PTPRE: variants seen among roughly 807,000 people sequenced by gnomAD.
PTPRE encodes receptor-type tyrosine-protein phosphatase epsilon.
In PTPRE, 51 loss-of-function variants were observed where a neutral mutation model predicts 102.0. The ratio of observed to expected loss-of-function variants is 0.50; its 90% CI spans 0.40 to 0.63. The LOEUF (loss-of-function observed/expected upper bound fraction) is 0.63. Among genes scored for constraint, PTPRE ranks in the 30% least tolerant of loss-of-function variants. The pLI is 0.00. For synonymous variants in PTPRE, 345 were observed against 348.2 expected, an observed-to-expected ratio of 0.99 and a Z score of 0.10; for missense variants, 752 against 915.1, an observed-to-expected ratio of 0.82 and a Z score of 2.30.
intron 7 of PTPRE, 22 bp from the exon 8 acceptor site, chr10:128,060,917 T>G: frequency 1.2e-6 from 2 of 1,611,552 alleles, no homozygotes; most frequent in Non-Finnish European, 1.7e-6. Context: ...ATATCTTGGC[T>G]TTGTTTGGGT....
intron 2 of PTPRE, among the ~76,000 whole-genome samples, chr10:128,011,310 A>G (rs1436581566): frequency 6.6e-6 from 1 of 152,230 alleles, no homozygotes; most frequent in Non-Finnish European, 1.5e-5. Context: ...TAACACGGCG[A>G]GTGAATGGAG....
intron 2 of PTPRE, among the ~76,000 whole-genome samples, chr10:128,009,105 T>C (rs992556775): frequency 1.3e-5 from 2 of 152,202 alleles, no homozygotes; most frequent in Non-Finnish European, 2.9e-5. Context: ...CCTTTTCTCC[T>C]GGCAGCTGGG....
At chr10:127,910,195 T>G (rs1311944380) in intron 1 of PTPRE, among the ~76,000 whole-genome samples, 1 of 152,152 alleles carries the variant, frequency 6.6e-6, no homozygotes, top group Non-Finnish European at 1.5e-5. Context: ...ACATCTCTAG[T>G]TTTTCTTTTG....
intron 1 of PTPRE, among the ~76,000 whole-genome samples, chr10:127,979,121 C>T (rs955461175): frequency 6.6e-6 from 1 of 152,196 alleles, no homozygotes; most frequent in Non-Finnish European, 1.5e-5. Flanking sequence ...ATAAGCAGTG[C>T]CCAGGGCACT....
In PTPRE at chr10:127,992,320, G is replaced by A. The variant is rs781203863; in HGVS notation, c.-8+10024G>A. Among the ~76,000 whole-genome samples, 63 of 152,262 alleles carry A rather than the reference G, an allele frequency of 4.1e-4. 1 individual carries two copies. The highest frequency in any genetic ancestry group is 2.3e-3 in the Admixed American group (35 of 15,296). Reference sequence around the variant, plus strand: ...GGTCACCCCTCTTCTAAGGACATCCGTCTCCCTAGCTGCTCAGTGGAGTCA... The same window carrying A: ...GGTCACCCCTCTTCTAAGGACATCCATCTCCCTAGCTGCTCAGTGGAGTCA... On this transcript the variant is annotated intron_variant, in intron 2 of 20. Transcript: ENST00000254667.
chr10:128,065,183 C>T (rs915409599), intron 10 of PTPRE, among the ~76,000 whole-genome samples: 13 of 152,226 alleles, frequency 8.5e-5, no homozygotes, highest in African/African-American at 3.1e-4. Flanking sequence ...AATGATGCTG[C>T]TCTCTACTAA....
intron 7 of PTPRE, among the ~76,000 whole-genome samples, chr10:128,059,880 A>T (rs1849368446): frequency 6.6e-6 from 1 of 152,150 alleles, no homozygotes; most frequent in Admixed American, 6.5e-5. Flanking sequence ...GGCAGAAGTG[A>T]CTACAACCCA....
chr10:127,942,382 C>T (rs990605690), intron 1 of PTPRE, among the ~76,000 whole-genome samples: 4 of 152,284 alleles, frequency 2.6e-5, no homozygotes, highest in South Asian at 4.1e-4. Flanking sequence ...ACGACATCCT[C>T]GATTTATAAA....
At chr10:127,932,250 G>A (rs370437448) in intron 1 of PTPRE, among the ~76,000 whole-genome samples, 128 of 152,260 alleles carry the variant, frequency 8.4e-4, no homozygotes, top group African/African-American at 2.6e-3. Context: ...TTAACATGCC[G>A]CGTTGAAGAA....
intron 2 of PTPRE, among the ~76,000 whole-genome samples, chr10:128,006,941 A>G (rs959422723): frequency 1.3e-5 from 2 of 152,214 alleles, no homozygotes; most frequent in African/African-American, 4.8e-5. Flanking sequence ...GATACAGCTC[A>G]AGTACAACTC....
chr10:128,018,510 C>T (rs939103597), intron 2 of PTPRE, among the ~76,000 whole-genome samples: 6 of 152,208 alleles, frequency 3.9e-5, no homozygotes, highest in East Asian at 1.9e-4. Context: ...GAGGCTTTGA[C>T]GATGCAGATG....
At chr10:127,926,860 G>A (rs1589750473) in intron 1 of PTPRE, among the ~76,000 whole-genome samples, 1 of 141,488 alleles carries the variant, frequency 7.1e-6, no homozygotes, top group East Asian at 2.1e-4. Context: ...CACCCAGGCT[G>A]GAGTGCAGTG....
At chr10:128,030,917 C>T (rs1287807700) in intron 2 of PTPRE, among the ~76,000 whole-genome samples, 1 of 152,208 alleles carries the variant, frequency 6.6e-6, no homozygotes, top group Non-Finnish European at 1.5e-5. Flanking sequence ...TGCAGGGCGC[C>T]CCTACCACAT....
At chr10:128,010,545 C>CCTTTTTTTTT (rs1844895309) in intron 2 of PTPRE, among the ~76,000 whole-genome samples, 1 of 128,278 alleles carries the variant, frequency 7.8e-6, no homozygotes, top group African/African-American at 3.0e-5. Context: ...AAACCCTGTT[C>CCTTTTTTTTT]CTTTTCTTTT....
At chr10:127,918,150 C>A (rs1385102139) in intron 1 of PTPRE, among the ~76,000 whole-genome samples, 1 of 152,096 alleles carries the variant, frequency 6.6e-6, no homozygotes, top group Non-Finnish European at 1.5e-5. Flanking sequence ...ATGAGGTGAC[C>A]CTCAGCCTCT....
intron 1 of PTPRE, chr10:127,965,072 T>C: frequency 2.2e-6 from 1 of 454,682 alleles, no homozygotes; most frequent in South Asian, 1.6e-5. Flanking sequence ...TGCACTTGAC[T>C]TCTAAAATTC....
chr10:127,910,514 A>C (rs1170425463), intron 1 of PTPRE, among the ~76,000 whole-genome samples: 1 of 152,220 alleles, frequency 6.6e-6, no homozygotes, highest in Non-Finnish European at 1.5e-5. Flanking sequence ...TCCACTAGGC[A>C]GCCAGTGCTT....
chr10:127,989,792 T>G (rs1852450260), intron 2 of PTPRE, among the ~76,000 whole-genome samples: 1 of 152,276 alleles, frequency 6.6e-6, no homozygotes, highest in Admixed American at 6.5e-5. Context: ...GGAACAGTTT[T>G]ATGATCACTT....
At chr10:128,077,904 C>G (rs770081574) in intron 19 of PTPRE, 121 bp downstream of exon 19, 18 of 1,104,048 alleles carry the variant, frequency 1.6e-5, no homozygotes, top group Middle Eastern at 4.6e-4. Flanking sequence ...CCTAGAGTCT[C>G]CTCTCTACCT....
Sources: allele counts gnomAD v4.1 joint callset (sites outside exome capture counted in the v4.1 genomes callset), GRCh38; gene constraint gnomAD v4.1.1; transcripts MANE v1.5; gene names NCBI Gene and HGNC (gene_info 2026-07-23, HGNC 2026-07-21).